Variants in BCORL1 observed in about 807,000 individuals in gnomAD.
BCORL1 encodes BCL6 corepressor like 1, also known as BCL-6 corepressor-like protein 1.
Under a neutral mutation model 87.6 loss-of-function variants are expected in BCORL1, and 7 were observed. The ratio of observed to expected loss-of-function variants is 0.08; its 90% CI spans 0.05 to 0.15. The LOEUF (loss-of-function observed/expected upper bound fraction) is 0.15, where lower values mean the gene tolerates loss of function less well. BCORL1 is among the 10% of genes least tolerant of loss of function. BCORL1 has a pLI of 1.00. For missense variants in BCORL1, 1,215 were observed against 1,499.7 expected (o/e 0.81, Z 3.13); for synonymous variants, 591 against 634.4 (o/e 0.93, Z 1.03).
intron 1 of BCORL1, among the ~76,000 whole-genome samples, chrX:129,985,031 A>G (rs746182211): frequency 9.0e-6 from 1 of 110,908 alleles, no homozygotes; most frequent in South Asian, 3.8e-4. Flanking sequence ...ACTACTGTTA[A>G]GGCAGTTTGG....
At chrX:130,016,929 G>GGT (rs915910668) in intron 4 of BCORL1, among the ~76,000 whole-genome samples, 14 of 111,347 alleles carry the variant, frequency 1.3e-4, no homozygotes, top group Admixed American at 1.9e-4. Flanking sequence ...AGAGGCTACT[G>GGT]GTGATCCAAG....
chrX:130,038,896 C>T (rs1261952098), intron 10 of BCORL1, among the ~76,000 whole-genome samples: 1 of 111,041 alleles, frequency 9.0e-6, no homozygotes, highest in African/African-American at 3.3e-5. Flanking sequence ...GTCAGGGGAA[C>T]GTAAGAGAGA....
chrX:129,990,335 C>T (rs994693898), intron 1 of BCORL1, among the ~76,000 whole-genome samples: 1 of 110,333 alleles, frequency 9.1e-6, no homozygotes, highest in African/African-American at 3.3e-5. Flanking sequence ...GGATTCACGC[C>T]ATCCTCCTGC....
intron 11 of BCORL1, among the ~76,000 whole-genome samples, chrX:130,043,614 C>T (rs1023472706): frequency 2.9e-5 from 3 of 104,245 alleles, no homozygotes; most frequent in East Asian, 3.1e-4. Context: ...CTCGCTCTGT[C>T]GCCAGGCTGG....
chrX:130,016,034 C>A lies in BCORL1; in HGVS notation c.3262C>A (p.Gln1088Lys). 8.3e-7 allele frequency: 1 copy of A among 1,211,811 alleles called. No individual in the cohort carries two copies. The highest frequency in any genetic ancestry group is 1.1e-6 in the Non-Finnish European group (1 of 895,568). The change falls in exon 4 of 14, where the codon CAG becomes AAG. Residue 1088 changes from glutamine (Q) to lysine (K), a missense_variant. Physicochemically the swap from Gln to Lys is moderately conservative, Grantham distance 53. Around this residue, in one of 5 missense-constraint regions of BCORL1, gnomAD observed 861 missense variants for 1,010.0 expected, o/e 0.85. Transcript: ENST00000540052. ...GQAEVRAKAG[Q>K]ARVKQESVGV... ...AGCTGAAGTTCGGGCTAAGGCCGGGCAGGCTCGAGTGAAACAGGAAAGCGT... is the reference window on the plus strand; with the variant it reads ...AGCTGAAGTTCGGGCTAAGGCCGGGAAGGCTCGAGTGAAACAGGAAAGCGT...
intron 1 of BCORL1, among the ~76,000 whole-genome samples, chrX:129,983,762 G>A (rs1354911579): frequency 1.8e-5 from 2 of 109,084 alleles, no homozygotes; most frequent in Non-Finnish European, 3.8e-5. Flanking sequence ...AGATGAGATC[G>A]GGGGCAATTC....
chrX:130,031,668 C>T (rs958955290), intron 8 of BCORL1, among the ~76,000 whole-genome samples: 5 of 111,416 alleles, frequency 4.5e-5, no homozygotes, highest in Admixed American at 2.9e-4. Context: ...CCTTTAGTTC[C>T]AGCTACTTGG....
chrX:129,981,847 T>G (rs1926119163), upstream of BCORL1: 1 of 83,668 alleles, frequency 1.2e-5, no homozygotes, highest in Non-Finnish European at 2.3e-5. Context: ...CTCCGTGTCT[T>G]GGCGGGGAGA....
At chrX:129,999,894 G>A (rs1468843006) in intron 1 of BCORL1, among the ~76,000 whole-genome samples, 1 of 110,009 alleles carries the variant, frequency 9.1e-6, no homozygotes, top group African/African-American at 3.3e-5. Flanking sequence ...GGCTGGTCTC[G>A]AACTCCTGAC....
chrX:130,048,058 T>A (rs771869393), intron 11 of BCORL1, among the ~76,000 whole-genome samples: 1 of 112,220 alleles, frequency 8.9e-6, no homozygotes, highest in African/African-American at 3.2e-5. Flanking sequence ...TGTGCATGAC[T>A]AGAGGTTTCC....
chrX:130,012,440 C>A, intron 2 of BCORL1, 138 bp from the exon 3 acceptor site: 1 of 509,874 alleles, frequency 2.0e-6, no homozygotes, highest in South Asian at 3.0e-5. Flanking sequence ...CCTTGTAATC[C>A]CCCTCACAAG....
Position 130,005,240 on chromosome X carries a change from T to C in BCORL1, c.9T>C (p.Ser3=). 1 of 1,211,226 alleles carries C rather than the reference T, an allele frequency of 8.3e-7. No individual in the cohort carries two copies. The highest frequency in any genetic ancestry group is 1.1e-6 in the Non-Finnish European group (1 of 894,860). Residue 3 remains serine, a synonymous_variant, in exon 2 of 14, where the codon TCT becomes TCC. Transcript: ENST00000540052. ...GGTGGTGAGTGGCTGTCATGATCTC[T>C]ACAGCACCGCTCTACAGCGGCGTGC... MI[S]TAPLYSGVHN...
intron 1 of BCORL1, among the ~76,000 whole-genome samples, chrX:129,995,402 C>T (rs781115998): frequency 1.8e-5 from 2 of 111,115 alleles, no homozygotes; most frequent in East Asian, 5.6e-4. Flanking sequence ...GGAGAATTTT[C>T]GAATACCCTT....
In BCORL1 at chrX:130,013,988, C is replaced by T. The variant is rs369847268; in HGVS notation, c.1216C>T (p.Pro406Ser). 4.1e-6 allele frequency: 5 copies of T among 1,206,953 alleles called. No homozygotes were observed. In the African/African-American group the frequency reaches 8.8e-5, roughly 21 times the overall value. ...GCCTGCTGCCACGCCAGCTGCCATT[C>T]CCACCTCTGCACCCATCCCGGCCTC... is the stretch of plus-strand genomic sequence containing the variant. ...PMPAATPAAIPTSAPIPASFS... is the reference protein window; with the variant it reads ...PMPAATPAAISTSAPIPASFS... The change falls in exon 4 of 14, where the codon CCC becomes TCC. Residue 406 changes from proline (P) to serine (S), a missense_variant. Around this residue, in one of 5 missense-constraint regions of BCORL1, gnomAD observed 861 missense variants for 1,010.0 expected, o/e 0.85. Coordinates refer to ENST00000540052, the MANE Select transcript of BCORL1 (RefSeq NM_001379451.1).
chrX:130,013,881 C>T lies in BCORL1; in HGVS notation c.1109C>T (p.Pro370Leu). 1 of 1,165,530 alleles carries T rather than the reference C, an allele frequency of 8.6e-7. No homozygotes were observed. Among genetic ancestry groups the T allele is most frequent in the Non-Finnish European group, 1.1e-6 (1 of 871,505 alleles). Residue 370 changes from proline to leucine, a missense_variant, in exon 4 of 14, where the codon CCC becomes CTC. Coordinates refer to ENST00000540052, the MANE Select transcript of BCORL1 (RefSeq NM_001379451.1). ...PTPSSGPPST[P>L]TLIPAFAPTP... The stretch of plus-strand genomic sequence containing the variant: ...CCATCTTCCGGCCCACCTTCTACCC[C>T]CACCCTCATCCCCGCCTTTGCTCCT...
At chrX:130,022,834 C>T (rs1929950414) in intron 5 of BCORL1, 63 bp from the exon 6 acceptor site, 2 of 1,034,118 alleles carry the variant, frequency 1.9e-6, no homozygotes, top group Non-Finnish European at 2.7e-6. Context: ...GGTGGGCTTT[C>T]TGGTCTTTAA....
intron 2 of BCORL1, among the ~76,000 whole-genome samples, chrX:130,011,143 C>T (rs900980827): frequency 1.8e-5 from 2 of 108,620 alleles, no homozygotes; most frequent in East Asian, 2.9e-4. Context: ...CGCACTGCAG[C>T]GTCTATGTTG....
intron 2 of BCORL1, among the ~76,000 whole-genome samples, chrX:130,005,782 A>G (rs1928438679): frequency 1.0e-5 from 1 of 98,535 alleles, no homozygotes; most frequent in South Asian, 4.5e-4. Context: ...CGCCCGGCTA[A>G]TTTTTTTTTT....
At chrX:129,982,436 G>C (rs1926185744), upstream of BCORL1, among the ~76,000 whole-genome samples, 1 of 110,102 alleles carries the variant, frequency 9.1e-6, no homozygotes, top group South Asian at 3.9e-4. Flanking sequence ...TCTCTTGCTC[G>C]CTCCCTCCCT....
Sources: gnomAD v4.1 joint callset for allele counts (sites outside exome capture counted in the v4.1 genomes callset) on GRCh38, gnomAD v4.1.1 for gene constraint, gnomAD v4.1.1 regional missense constraint, MANE v1.5 for transcripts, NCBI Gene and HGNC (gene_info 2026-07-23, HGNC 2026-07-21) for gene names.